The following FAM222B variants were observed in gnomAD, a reference collection of about 807,000 sequenced individuals.
FAM222B encodes family with sequence similarity 222 member B, also known as protein FAM222B.
In FAM222B, 12 loss-of-function variants were observed where a neutral mutation model predicts 38.0. The ratio of observed to expected loss-of-function variants is 0.32; its 90% CI spans 0.20 to 0.51. The LOEUF (loss-of-function observed/expected upper bound fraction) is 0.51. Among genes scored for constraint, FAM222B ranks in the 20% least tolerant of loss-of-function variants. The pLI, the probability that FAM222B is intolerant of heterozygous loss-of-function variation, is 0.97. For synonymous variants in FAM222B, 329 were observed against 317.2 expected (o/e 1.04, Z -0.40); for missense variants, 716 against 754.2 (o/e 0.95, Z 0.59).
intron 1 of FAM222B, chr17:28,834,791 T>A (rs2038781067): frequency 6.6e-6 from 1 of 151,220 alleles, no homozygotes; most frequent in Non-Finnish European, 1.5e-5. Flanking sequence ...TGTTGCTTCT[T>A]CATTCCCACT....
chr17:28,756,467 A>G lies in FAM222B; in HGVS notation c.*1803T>C, dbSNP rs752478339. 3 of 152,636 alleles carry G rather than the reference A, an allele frequency of 2.0e-5. No individual in the cohort carries two copies. Among genetic ancestry groups the G allele is most frequent in the East Asian group, 1.9e-4 (1 of 5,184 alleles). The allele number at this position is 152,636 out of a possible 1,614,324, so 9.5% of individuals were successfully genotyped here. A position where few individuals can be genotyped will look rare whatever the true frequency, so the allele number is the denominator to read the frequency against. ...GGGAGGAAAAAAAAATACAGCAAGA[A>G]TATCTGCTTTGGAGATCAAGCAAGG... On this transcript the variant is annotated 3_prime_UTR_variant, in exon 3 of 3. Transcript: ENST00000581407.
intron 1 of FAM222B, among the ~76,000 whole-genome samples, chr17:28,799,915 C>T (rs1345701221): frequency 6.6e-6 from 1 of 151,836 alleles, no homozygotes; most frequent in African/African-American, 2.4e-5. Flanking sequence ...GCAAGAAAGG[C>T]TCTTTAAACA....
At chr17:28,791,806 CG>C (rs1381068416) in intron 1 of FAM222B, among the ~76,000 whole-genome samples, 3 of 151,348 alleles carry the variant, frequency 2.0e-5, no homozygotes, top group African/African-American at 7.3e-5. Flanking sequence ...ATTACAGGCA[CG>C]TGTCACCACG....
intron 1 of FAM222B, among the ~76,000 whole-genome samples, chr17:28,803,743 G>A (rs1160119840): frequency 6.6e-6 from 1 of 152,060 alleles, no homozygotes; most frequent in East Asian, 1.9e-4. Flanking sequence ...ACTTTGGGAG[G>A]CCGAGACGGG....
In FAM222B at chr17:28,757,606, A is replaced by G. The variant is rs867376759; in HGVS notation, c.*664T>C. The G allele has an allele frequency of 6.6e-6, 1 of 152,108 alleles. No homozygotes were observed. Among genetic ancestry groups the G allele is most frequent in the African/African-American group, 2.4e-5 (1 of 41,392 alleles). The allele number at this position is 152,108 out of a possible 1,614,324, so 9.4% of individuals were successfully genotyped here. ...AGTCTGGAACCAAGATGCCAATACA[A>G]AGACTTTTTCCCCCCATATCTCAAG... On this transcript the variant is annotated 3_prime_UTR_variant, in exon 3 of 3. Coordinates refer to ENST00000581407, the MANE Select transcript of FAM222B (RefSeq NM_001077498.3).
At chr17:28,842,483 C>A (rs1448532340) in intron 1 of FAM222B, among the ~76,000 whole-genome samples, 199 bp downstream of exon 1, 1 of 152,180 alleles carries the variant, frequency 6.6e-6, no homozygotes, top group African/African-American at 2.4e-5. Context: ...CAACCCCGTC[C>A]CCCTCCACCA....
rs774613714 is a variant in FAM222B, at chr17:28,759,736, G to A, written c.223C>T (p.Arg75Cys). ...GTGTCGAGGCCGTTCACAGTACGAC[G>A]AACGTGTTTCCGCTGGGGAACCTTC... ...SVKVPQRKHV[R>C]RTVNGLDTSA... is the part of the protein sequence containing the mutation. The change falls in exon 3 of 3, where the codon CGT becomes TGT. Residue 75 changes from arginine (R) to cysteine (C), a missense_variant. Arg to Cys is a radical substitution (Grantham distance 180). Transcript: ENST00000581407. This position sits in a 1 kb window ranked among gnomAD's most constrained non-coding sequence, Gnocchi z 4.8. 6.8e-6 allele frequency: 11 copies of A among 1,613,666 alleles called. No individual in the cohort carries two copies. The highest frequency in any genetic ancestry group is 3.3e-5 in the Admixed American group (2 of 59,970).
chr17:28,838,576 AAAATAAAT>A, intron 1 of FAM222B, among the ~76,000 whole-genome samples: 1 of 150,746 alleles, frequency 6.6e-6, no homozygotes, highest in African/African-American at 2.4e-5. Context: ...ACTCCATCTC[AAAATAAAT>A]AAATAAATAA....
At chr17:28,816,476 T>C (rs1184718382) in intron 1 of FAM222B, among the ~76,000 whole-genome samples, 2 of 152,066 alleles carry the variant, frequency 1.3e-5, no homozygotes, top group Admixed American at 6.6e-5. Flanking sequence ...AATATCCCTC[T>C]AGACTGATCA....
chr17:28,833,524 A>G (rs1396240333), intron 1 of FAM222B, among the ~76,000 whole-genome samples: 1 of 150,624 alleles, frequency 6.6e-6, no homozygotes, highest in East Asian at 1.9e-4. Context: ...GAGGCAGGAG[A>G]ATTCCTTGAA....
intron 1 of FAM222B, among the ~76,000 whole-genome samples, chr17:28,822,071 C>T (rs1056185154): frequency 6.6e-6 from 1 of 151,666 alleles, no homozygotes; most frequent in Non-Finnish European, 1.5e-5. Context: ...CGCCTATAAT[C>T]CCAGCAATGG....
At chr17:28,841,617 G>A (rs897341582) in intron 1 of FAM222B, among the ~76,000 whole-genome samples, 4 of 151,998 alleles carry the variant, frequency 2.6e-5, no homozygotes, top group African/African-American at 7.2e-5. Context: ...CTCGTGATCC[G>A]CCCGCCTCGG....
intron 1 of FAM222B, among the ~76,000 whole-genome samples, chr17:28,803,152 G>C (rs754566897): frequency 6.6e-6 from 1 of 151,924 alleles, no homozygotes; most frequent in African/African-American, 2.4e-5. Context: ...GGGATTACAG[G>C]TGCATGCCAC....
rs531031340 is a variant in FAM222B at position 28,777,663 on chromosome 17, G to T, written c.-40-10956C>A. On this transcript the variant is annotated intron_variant, in intron 1 of 2. Transcript: ENST00000581407. ...AGGATAGCACATACTTTAATTCCAG[G>T]CTCCGAAAATTTGTGGTACATGGAT... 8.2e-4 allele frequency among the ~76,000 whole-genome samples: 125 copies of T among 152,082 alleles called. 1 individual carries two copies. Among genetic ancestry groups the T allele is most frequent in the Non-Finnish European group, 4.3e-4 (29 of 68,010 alleles).
intron 1 of FAM222B, chr17:28,854,879 C>T (rs1220006595): frequency 1.7e-5 from 13 of 743,546 alleles, no homozygotes; most frequent in Non-Finnish European, 2.5e-5. Context: ...TTAGCCTCCA[C>T]CAGTCTCCAG....
chr17:28,843,066 T>A (rs2039103086), upstream of FAM222B, among the ~76,000 whole-genome samples: 1 of 152,070 alleles, frequency 6.6e-6, no homozygotes, highest in African/African-American at 2.4e-5. Context: ...TCTTCCAGAA[T>A]TCTGCATCCT....
intron 1 of FAM222B, among the ~76,000 whole-genome samples, chr17:28,824,124 G>A (rs192396618): frequency 7.3e-4 from 110 of 151,570 alleles, no homozygotes; most frequent in African/African-American, 2.5e-3. Flanking sequence ...TGATCCACCC[G>A]CCTCGGCCTC....
rs371572357 is a variant in FAM222B at position 28,759,242 on chromosome 17, G to A, written c.717C>T (p.Pro239=). The change falls in exon 3 of 3, where the codon CCC becomes CCT. Residue 239 remains proline, a synonymous_variant. Coordinates refer to ENST00000581407, the MANE Select transcript of FAM222B (RefSeq NM_001077498.3). The surrounding 1 kb of genome is among the most constrained non-coding windows in gnomAD (Gnocchi z 4.8). ...GGRKMPDSDA[P]PNVTVSTSTI... ...TTGAGGTAGACACGGTCACATTCGG[G>A]GGGGCATCTGAGTCTGGCATCTTCC... is the stretch of plus-strand genomic sequence containing the variant. 3 of 1,613,560 alleles carry A rather than the reference G, an allele frequency of 1.9e-6. No homozygotes were observed. Among genetic ancestry groups the A allele is most frequent in the Non-Finnish European group, 2.5e-6 (3 of 1,179,796 alleles).
intron 1 of FAM222B, among the ~76,000 whole-genome samples, chr17:28,823,576 C>A (rs2038339405): frequency 6.6e-6 from 1 of 152,114 alleles, no homozygotes; most frequent in Admixed American, 6.6e-5. Flanking sequence ...GACACAGGAT[C>A]TTACTATGTT....
Sources: allele counts gnomAD v4.1 joint callset (sites outside exome capture counted in the v4.1 genomes callset), GRCh38; gene constraint gnomAD v4.1.1; non-coding constraint Gnocchi (gnomAD v3.1); transcripts MANE v1.5; gene names NCBI Gene and HGNC (gene_info 2026-07-23, HGNC 2026-07-21).